Variants in YJU2 observed in about 807,000 individuals in gnomAD.
The protein encoded by YJU2 is YJU2 splicing factor homolog.
Under a neutral mutation model 39.6 loss-of-function variants are expected in YJU2, and 28 were observed. That is an observed-to-expected ratio of 0.71 (90% CI 0.52 to 0.97). YJU2 has a LOEUF of 0.97. Among genes scored for constraint, YJU2 ranks in the 50% least tolerant of loss-of-function variants. The pLI is 0.00. For synonymous variants in YJU2, 184 were observed against 182.4 expected, an observed-to-expected ratio of 1.01 and a Z score of -0.07; for missense variants, 328 against 430.4, an observed-to-expected ratio of 0.76 and a Z score of 2.11.
At position 4,268,911 on chromosome 19, in the gene YJU2, C is replaced by T; in HGVS notation, c.*215C>T. On this transcript the variant is annotated 3_prime_UTR_variant, in exon 8 of 8. Transcript: ENST00000262962. ...ACCAGCCTCTCAACACCTCGGGGAC[C>T]CCTGCTGCTCCTGCCCCCACCTGTC... 1.8e-6 allele frequency: 1 copy of T among 565,256 alleles called. No homozygotes were observed. The highest frequency in any genetic ancestry group is 3.2e-6 in the Non-Finnish European group (1 of 314,042). The allele number at this position is 565,256 out of a possible 1,614,324, so 35.0% of individuals were successfully genotyped here. A position where few individuals can be genotyped will look rare whatever the true frequency, so the allele number is the denominator to read the frequency against.
rs1306442070 is a variant in YJU2 at position 4,258,334 on chromosome 19, C to T, written c.498C>T (p.His166=). The change falls in exon 5 of 8, where the codon CAC becomes CAT. Residue 166 remains histidine, a synonymous_variant. Transcript: ENST00000262962. ...AAGACCTGAACCAGCGGCAGGCGCA[C>T]GTGGACTTCGAGGCTATGCTGAGGC... ...ELKDLNQRQA[H]VDFEAMLRQH... is the part of the protein sequence containing the mutation. The T allele has an allele frequency of 1.3e-6, 2 of 1,585,778 alleles. No homozygotes were observed. Among genetic ancestry groups the T allele is most frequent in the Non-Finnish European group, 1.7e-6 (2 of 1,167,488 alleles).
chr19:4,268,795 G>A lies in YJU2; in HGVS notation c.*99G>A, dbSNP rs932467541. 3.5e-6 allele frequency: 3 copies of A among 851,832 alleles called. No individual in the cohort carries two copies. Among genetic ancestry groups the A allele is most frequent in the Admixed American group, 2.2e-5 (1 of 46,262 alleles). The allele number at this position is 851,832 out of a possible 1,614,324, so 52.8% of individuals were successfully genotyped here. A position where few individuals can be genotyped will look rare whatever the true frequency, so the allele number is the denominator to read the frequency against. ...TGGTCAGGGCAGGAGGCCTTGGCGT[G>A]ACTGGAGGCCGGACAGACAAGCGCC... On this transcript the variant is annotated 3_prime_UTR_variant, in exon 8 of 8. Transcript: ENST00000262962.
intron 6 of YJU2, among the ~76,000 whole-genome samples, chr19:4,262,957 C>T (rs1047737451): frequency 4.0e-5 from 6 of 151,702 alleles, no homozygotes; most frequent in African/African-American, 1.5e-4. Flanking sequence ...GCTTGTAATC[C>T]CAGCTACTCA....
intron 6 of YJU2, among the ~76,000 whole-genome samples, chr19:4,262,433 C>T (rs375314796): frequency 1.6e-4 from 25 of 152,048 alleles, no homozygotes; most frequent in Middle Eastern, 3.4e-3. Flanking sequence ...CTCTTCACCT[C>T]GTGATCCGCC....
chr19:4,249,126 C>T (rs564393579), intron 1 of YJU2, 102 bp from the exon 2 acceptor site: 2 of 758,622 alleles, frequency 2.6e-6, no homozygotes, highest in African/African-American at 1.7e-5. Flanking sequence ...CTGGGGTGGG[C>T]TTGGGGACCC....
rs937648384 is a variant in YJU2, at chr19:4,251,726, G to A, written c.270+555G>A. Among the ~76,000 whole-genome samples, 7 of 149,842 alleles carry A rather than the reference G, an allele frequency of 4.7e-5. No homozygotes were observed. In the South Asian group the frequency reaches 1.5e-3, roughly 32 times the overall value. On this transcript the variant is annotated intron_variant, in intron 3 of 7. Coordinates refer to ENST00000262962, the MANE Select transcript of YJU2 (RefSeq NM_018074.6). ...AAGCCAGGCACAGTGGCTCATGCCT[G>A]TAATTCCAGCAGGTTGGGAGGCCAA... is the stretch of plus-strand genomic sequence containing the variant.
chr19:4,254,436 G>C lies in YJU2; in HGVS notation c.352G>C (p.Glu118Gln), dbSNP rs1359831788. Residue 118 changes from glutamate (E) to glutamine (Q), a missense_variant, in exon 4 of 8, where the codon GAG becomes CAG. Around this residue, in one of 2 missense-constraint regions of YJU2, gnomAD observed 84 missense variants for 165.8 expected, o/e 0.51. Transcript: ENST00000262962. ...FQAEKLLEEE[E>Q]KRVQKEREDE... is the part of the protein sequence containing the mutation. ...GGCTGAGAAGCTCCTGGAGGAGGAG[G>C]AGAAGAGGGTGCAGAAGGAGCGGGA... 6.2e-7 allele frequency: 1 copy of C among 1,613,228 alleles called. No individual in the cohort carries two copies. The highest frequency in any genetic ancestry group is 8.5e-7 in the Non-Finnish European group (1 of 1,179,700).
intron 4 of YJU2, among the ~76,000 whole-genome samples, chr19:4,256,167 C>T (rs371127719): frequency 6.6e-5 from 5 of 76,020 alleles, no homozygotes; most frequent in South Asian, 4.4e-4. Context: ...GCAAGACTGT[C>T]GCAAAAAAAA....
At chr19:4,251,425 A>G (rs1256179261) in intron 3 of YJU2, among the ~76,000 whole-genome samples, 1 of 152,174 alleles carries the variant, frequency 6.6e-6, no homozygotes, top group East Asian at 1.9e-4. Context: ...GGCATGGCTC[A>G]CACCTGTACT....
intron 2 of YJU2, 124 bp from the exon 3 acceptor site, chr19:4,250,903 G>C: frequency 9.4e-7 from 1 of 1,060,010 alleles, no homozygotes; most frequent in Non-Finnish European, 1.4e-6. Context: ...CCTGCCTCTT[G>C]AAGGAGGGAG....
chr19:4,258,135 G>T (rs1034915587), intron 4 of YJU2, 107 bp from the exon 5 acceptor site: 6 of 1,456,022 alleles, frequency 4.1e-6, no homozygotes, highest in Non-Finnish European at 5.5e-6. Flanking sequence ...ATGGAAACGT[G>T]GGGGTAGGGG....
chr19:4,266,840 C>T lies in YJU2; in HGVS notation c.709-784C>T, dbSNP rs988695892. On this transcript the variant is annotated intron_variant, in intron 6 of 7. Coordinates refer to ENST00000262962, the MANE Select transcript of YJU2 (RefSeq NM_018074.6). Reference sequence around the variant, plus strand: ...TACAAAAATTAAAAATGTTAGCCTGCCATGGTGGCGTGCACCTGCAGGAGG... The same window carrying T: ...TACAAAAATTAAAAATGTTAGCCTGTCATGGTGGCGTGCACCTGCAGGAGG... Among the ~76,000 whole-genome samples the T allele has an allele frequency of 1.4e-4, 21 of 152,112 alleles. No individual in the cohort carries two copies. The South Asian group carries it at 1.7e-3, about 12-fold the overall frequency.
Position 4,254,483 on chromosome 19 carries a change from C to A in YJU2, c.399C>A (p.Pro133=). 1 of 1,597,040 alleles carries A rather than the reference C, an allele frequency of 6.3e-7. No individual in the cohort carries two copies. The highest frequency in any genetic ancestry group is 8.5e-7 in the Non-Finnish European group (1 of 1,170,886). ...KEREDEELNN[P]MKVLENRTKD... ...GGGAGGACGAGGAGCTGAACAACCC[C>A]ATGAAGGTGAGTCGGGGGCCATGTA... Residue 133 remains proline, a synonymous_variant, in exon 4 of 8, where the codon CCC becomes CCA. Transcript: ENST00000262962.
intron 2 of YJU2, among the ~76,000 whole-genome samples, chr19:4,250,427 C>T (rs572137877): frequency 1.3e-4 from 20 of 152,070 alleles, no homozygotes; most frequent in Non-Finnish European, 2.4e-4. Flanking sequence ...GGCAGGTGCA[C>T]GGGCCCCCGA....
At chr19:4,264,879 A>G (rs1186140254) in intron 6 of YJU2, among the ~76,000 whole-genome samples, 2 of 151,970 alleles carry the variant, frequency 1.3e-5, no homozygotes, top group African/African-American at 4.8e-5. Context: ...TCTCCCGCCA[A>G]GGCACAGGGA....
intron 6 of YJU2, among the ~76,000 whole-genome samples, chr19:4,262,374 A>G (rs1263790944): frequency 6.6e-6 from 1 of 151,750 alleles, no homozygotes. Context: ...AATTTTTTGT[A>G]TTTTTAGTAG....
intron 4 of YJU2, 100 bp from the exon 5 acceptor site, chr19:4,258,142 G>T: frequency 6.8e-7 from 1 of 1,478,984 alleles, no homozygotes; most frequent in South Asian, 1.4e-5. Context: ...CGTGGGGGTA[G>T]GGGTTCCTCC....
intron 6 of YJU2, among the ~76,000 whole-genome samples, chr19:4,267,289 G>A (rs1971123162): frequency 6.6e-6 from 1 of 152,142 alleles, no homozygotes; most frequent in Non-Finnish European, 1.5e-5. Context: ...CTTGTGTTGG[G>A]TATTGAAGGG....
At chr19:4,255,623 G>A (rs1023814139) in intron 4 of YJU2, among the ~76,000 whole-genome samples, 3 of 151,790 alleles carry the variant, frequency 2.0e-5, no homozygotes, top group African/African-American at 7.3e-5. Context: ...CAGCTACTCG[G>A]GAGGCTGAGG....
Sources: allele counts gnomAD v4.1 joint callset (sites outside exome capture counted in the v4.1 genomes callset), GRCh38; gene constraint gnomAD v4.1.1; regional missense constraint gnomAD v4.1.1; transcripts MANE v1.5; gene names NCBI Gene and HGNC (gene_info 2026-07-23, HGNC 2026-07-21).